NRCAM: variants seen among roughly 807,000 people sequenced by gnomAD.
The protein encoded by NRCAM is neuronal cell adhesion molecule, also known as NgCAM-related cell adhesion molecule.
A neutral mutation model predicts 156.5 loss-of-function variants in NRCAM; 83 were observed. That is an observed-to-expected ratio of 0.53 (90% CI 0.44 to 0.64). NRCAM has a LOEUF of 0.64. NRCAM is among the 30% of genes least tolerant of loss of function. NRCAM has a pLI of 0.00. For synonymous variants in NRCAM, 538 were observed against 563.9 expected (o/e 0.95, Z 0.65); for missense variants, 1,417 against 1,597.3 (o/e 0.89, Z 1.92).
At chr7:108,150,224 A>G (rs2040452171) in intron 32 of NRCAM, 77 bp from the exon 33 acceptor site, 13 of 1,209,122 alleles carry the variant, frequency 1.1e-5, no homozygotes, top group Non-Finnish European at 1.4e-5. Flanking sequence ...CATGCATGCA[A>G]ATTATGAGAA....
intron 6 of NRCAM, among the ~76,000 whole-genome samples, chr7:108,232,818 C>T (rs1051535253): frequency 6.6e-5 from 10 of 152,134 alleles, no homozygotes; most frequent in African/African-American, 2.4e-4. Flanking sequence ...GGGAGCAGGT[C>T]TCCCAGGTAC....
intron 32 of NRCAM, chr7:108,156,438 G>C: frequency 2.0e-6 from 2 of 983,288 alleles, no homozygotes; most frequent in Non-Finnish European, 2.4e-6. Context: ...TAAGGATGCA[G>C]ATCCTACTGT....
chr7:108,299,114 A>AAAAAAAAAAAAAAAAAAAAGAAAGAAAG, intron 3 of NRCAM, among the ~76,000 whole-genome samples: 2 of 25,530 alleles, frequency 7.8e-5, no homozygotes, highest in Non-Finnish European at 1.6e-4. Context: ...TCAAAAAAAA[A>AAAAAAAAAAAAAAAAAAAAGAAAGAAAG]AAAGAAAGAA....
intron 13 of NRCAM, among the ~76,000 whole-genome samples, chr7:108,198,505 GA>G (rs981661091): frequency 6.6e-6 from 1 of 151,376 alleles, no homozygotes; most frequent in African/African-American, 2.4e-5. Context: ...GAGAGATGCA[GA>G]AAAAAAACTC....
At chr7:108,190,044 T>C (rs2153432003) in intron 19 of NRCAM, among the ~76,000 whole-genome samples, 1 of 152,280 alleles carries the variant, frequency 6.6e-6, no homozygotes, top group East Asian at 1.9e-4. Flanking sequence ...TTTCTTCTCA[T>C]AAACATGAAT....
In NRCAM at chr7:108,232,348, A is replaced by G. The variant is rs376155888; in HGVS notation, c.405T>C (p.Asn135=). 32 of 1,605,764 alleles carry G rather than the reference A, an allele frequency of 2.0e-5. No homozygotes were observed. Among genetic ancestry groups the G allele is most frequent in the Non-Finnish European group, 2.7e-5 (32 of 1,177,420 alleles). ...TACTGGATGGGCGGACAACAATGTT[A>G]TTAGAAACTGCAGCTCCGCGTTCGT... ...ARNERGAAVS[N]NIVVRPSRSP... is the part of the protein sequence containing the mutation. The change falls in exon 7 of 33, where the codon AAT becomes AAC. Residue 135 remains asparagine (N), a synonymous_variant. Transcript: ENST00000379028.
intron 2 of NRCAM, among the ~76,000 whole-genome samples, chr7:108,355,190 A>T (rs909741123): frequency 1.3e-5 from 2 of 152,208 alleles, no homozygotes; most frequent in African/African-American, 4.8e-5. Context: ...ATTCTAAAAC[A>T]CATATTAAAG....
At chr7:108,329,129 A>T (rs1005759479) in intron 2 of NRCAM, among the ~76,000 whole-genome samples, 1 of 152,068 alleles carries the variant, frequency 6.6e-6, no homozygotes, top group Non-Finnish European at 1.5e-5. Context: ...TCTGAATTTC[A>T]TTCCTCTCTT....
At chr7:108,383,584 T>A (rs189065660) in intron 2 of NRCAM, among the ~76,000 whole-genome samples, 1 of 152,228 alleles carries the variant, frequency 6.6e-6, no homozygotes, top group African/African-American at 2.4e-5. Context: ...GGCAGTCATC[T>A]GGCTCATGGC....
At chr7:108,176,696 A>G (rs2060614685) in intron 26 of NRCAM, 90 bp from the exon 27 acceptor site, 6 of 1,009,128 alleles carry the variant, frequency 5.9e-6, no homozygotes, top group East Asian at 2.6e-5. Context: ...AAAATGTTCA[A>G]CCTGGCTTAC....
chr7:108,185,308 T>A (rs1418085955), intron 20 of NRCAM, among the ~76,000 whole-genome samples: 2 of 152,254 alleles, frequency 1.3e-5, no homozygotes, highest in East Asian at 1.9e-4. Context: ...CAAACACACA[T>A]GAGAAATAAT....
chr7:108,167,049 A>G lies in NRCAM; in HGVS notation c.3338T>C (p.Ile1113Thr). Residue 1113 changes from isoleucine (I) to threonine (T), a missense_variant, in exon 30 of 33, where the codon ATT becomes ACT. This residue lies in a region of NRCAM where 179 missense variants were observed against 260.9 expected (regional missense o/e 0.69). Coordinates refer to ENST00000379028, the MANE Select transcript of NRCAM (RefSeq NM_001037132.4). ...AGSKEEWRKEIVNGSRSFFGL... is the reference protein window; with the variant it reads ...AGSKEEWRKETVNGSRSFFGL... ...AAAGAAGCTCCGAGAACCATTTACAATTTCTTTTCTCCATTCTTCTTTGCC... is the reference window on the plus strand; with the variant it reads ...AAAGAAGCTCCGAGAACCATTTACAGTTTCTTTTCTCCATTCTTCTTTGCC... 1 of 1,613,674 alleles carries G rather than the reference A, an allele frequency of 6.2e-7. No homozygotes were observed. Among genetic ancestry groups the G allele is most frequent in the Non-Finnish European group, 8.5e-7 (1 of 1,179,728 alleles).
chr7:108,419,507 C>G (rs1290304258), intron 1 of NRCAM, among the ~76,000 whole-genome samples: 1 of 151,608 alleles, frequency 6.6e-6, no homozygotes, highest in African/African-American at 2.4e-5. Flanking sequence ...CCCATCTGAG[C>G]TCACTTTGCA....
chr7:108,296,700 T>G (rs1195656304), intron 3 of NRCAM, among the ~76,000 whole-genome samples: 1 of 152,136 alleles, frequency 6.6e-6, no homozygotes, highest in African/African-American at 2.4e-5. Flanking sequence ...CATGTTGGCT[T>G]TAATGTTAGT....
chr7:108,403,026 G>A (rs2099797468), intron 1 of NRCAM, among the ~76,000 whole-genome samples: 2 of 152,076 alleles, frequency 1.3e-5, no homozygotes, highest in African/African-American at 2.4e-5. Context: ...ATCCAAACAG[G>A]GCAGCTGTGC....
At chr7:108,245,071 A>C (rs189888049) in intron 3 of NRCAM, among the ~76,000 whole-genome samples, 13 of 152,166 alleles carry the variant, frequency 8.5e-5, no homozygotes, top group Non-Finnish European at 1.6e-4. Flanking sequence ...TCTTCCCAAC[A>C]ATTCCAGAAG....
intron 1 of NRCAM, among the ~76,000 whole-genome samples, chr7:108,455,298 T>C (rs2154508254): frequency 6.6e-6 from 1 of 151,794 alleles, no homozygotes; most frequent in African/African-American, 2.4e-5. Context: ...CCGCGCGGCG[T>C]GGAGGGGGCC....
intron 2 of NRCAM, among the ~76,000 whole-genome samples, chr7:108,358,976 A>G (rs2099528832): frequency 6.6e-6 from 1 of 152,230 alleles, no homozygotes; most frequent in South Asian, 2.1e-4. Flanking sequence ...ATATGTCTAT[A>G]AGCTCAGGAC....
rs148453642 is a variant in NRCAM, at chr7:108,155,087, C to CATATATATATAT, written c.3677+4364_3677+4375dup. On this transcript the variant is annotated intron_variant, in intron 32 of 32. Coordinates refer to ENST00000379028, the MANE Select transcript of NRCAM (RefSeq NM_001037132.4). ...AAGTCATAGAAGATGATTTAAAAGTCATATATATATATATACACACACACA... is the reference window on the plus strand; with the variant it reads ...AAGTCATAGAAGATGATTTAAAAGTCATATATATATATATATATATATATATACACACACACA... 4.6e-4 allele frequency among the ~76,000 whole-genome samples: 53 copies of CATATATATATAT among 114,094 alleles called. 1 individual carries two copies. Among genetic ancestry groups the CATATATATATAT allele is most frequent in the East Asian group, 1.4e-3 (4 of 2,954 alleles). The allele number at this position is 114,094 out of a possible 152,430, so 74.9% of individuals were successfully genotyped here.
Sources: allele counts gnomAD v4.1 joint callset (sites outside exome capture counted in the v4.1 genomes callset), GRCh38; gene constraint gnomAD v4.1.1; regional missense constraint gnomAD v4.1.1; transcripts MANE v1.5; gene names NCBI Gene and HGNC (gene_info 2026-07-23, HGNC 2026-07-21).